Variants in EPB41L4A observed in about 807,000 individuals in gnomAD.
EPB41L4A encodes the protein band 4.1-like protein 4A.
EPB41L4A carries 100 observed loss-of-function variants against 108.6 expected under a neutral mutation model. That is an observed-to-expected ratio of 0.92 (90% CI 0.78 to 1.09). The LOEUF is 1.09. EPB41L4A is among the 50% of genes least tolerant of loss of function. The pLI is 0.00. For missense variants in EPB41L4A, 1,030 were observed against 842.7 expected, an observed-to-expected ratio of 1.22 and a Z score of -2.75; for synonymous variants, 319 against 289.0, an observed-to-expected ratio of 1.10 and a Z score of -1.05.
chr5:112,317,712 T>C (rs187953835), intron 1 of EPB41L4A, among the ~76,000 whole-genome samples: 14 of 152,312 alleles, frequency 9.2e-5, no homozygotes, highest in African/African-American at 3.4e-4. Context: ...GATATCATAG[T>C]TGCAAAAATG....
chr5:112,275,694 T>C (rs998861348), intron 3 of EPB41L4A, among the ~76,000 whole-genome samples: 3 of 152,164 alleles, frequency 2.0e-5, no homozygotes, highest in Admixed American at 6.5e-5. Context: ...CTATAGTATA[T>C]ATGTAATTTT....
chr5:112,191,520 T>C (rs1357377072), intron 17 of EPB41L4A, among the ~76,000 whole-genome samples: 1 of 152,212 alleles, frequency 6.6e-6, no homozygotes, highest in Admixed American at 6.5e-5. Context: ...TTTATTAACT[T>C]TTCTTTCTCT....
intron 4 of EPB41L4A, among the ~76,000 whole-genome samples, chr5:112,267,781 TA>T (rs1344895937): frequency 6.1e-5 from 9 of 148,552 alleles, no homozygotes; most frequent in African/African-American, 4.9e-5. Context: ...CTCTTTCAGT[TA>T]AAAAAAAAAC....
intron 2 of EPB41L4A, among the ~76,000 whole-genome samples, chr5:112,292,821 A>C (rs2150539635): frequency 6.6e-6 from 1 of 152,260 alleles, no homozygotes; most frequent in South Asian, 2.1e-4. Flanking sequence ...CTAGTTTTCT[A>C]ATGTCTAAAA....
chr5:112,322,699 G>GACAC (rs111502535), intron 1 of EPB41L4A, among the ~76,000 whole-genome samples: 1,758 of 145,922 alleles, frequency 0.012, 16 homozygotes, highest in African/African-American at 0.024. Flanking sequence ...TCCACTATGA[G>GACAC]ACACACACAC....
At chr5:112,335,229 T>C (rs1467878081) in intron 1 of EPB41L4A, among the ~76,000 whole-genome samples, 1 of 152,138 alleles carries the variant, frequency 6.6e-6, no homozygotes, top group Non-Finnish European at 1.5e-5. Flanking sequence ...GCAACTGTGC[T>C]AGAGTCTGTA....
intron 1 of EPB41L4A, among the ~76,000 whole-genome samples, chr5:112,416,889 C>G (rs1418296650): frequency 1.3e-5 from 2 of 152,074 alleles, no homozygotes; most frequent in Non-Finnish European, 2.9e-5. Context: ...TAGTACACGC[C>G]AAGGGTGGGT....
chr5:112,335,904 G>A (rs547968044), intron 1 of EPB41L4A, among the ~76,000 whole-genome samples: 5 of 152,180 alleles, frequency 3.3e-5, no homozygotes, highest in African/African-American at 1.2e-4. Flanking sequence ...CAGCCACTCT[G>A]GACTTCTTTC....
chr5:112,359,276 G>C (rs911805538), intron 1 of EPB41L4A, among the ~76,000 whole-genome samples: 1 of 152,118 alleles, frequency 6.6e-6, no homozygotes, highest in African/African-American at 2.4e-5. Flanking sequence ...TTCTCTAATA[G>C]GTCTGTGATC....
intron 1 of EPB41L4A, among the ~76,000 whole-genome samples, chr5:112,384,997 C>A (rs561064664): frequency 1.3e-5 from 2 of 152,312 alleles, no homozygotes; most frequent in South Asian, 4.1e-4. Flanking sequence ...CCCATGGCCC[C>A]ACTTCAGGAA....
rs147826893 is a variant in EPB41L4A, at chr5:112,257,946, C to T, written c.795+1283G>A. On this transcript the variant is annotated intron_variant, in intron 9 of 22. Transcript: ENST00000261486. ...TTTAATTCAGTCTTATATTATAATG[C>T]ACATCTTTTAAAATTGAGATGTCTA... Among the ~76,000 whole-genome samples the T allele has an allele frequency of 1.4e-4, 22 of 152,282 alleles. No homozygotes were observed. The East Asian group carries it at 4.2e-3, about 29-fold the overall frequency.
chr5:112,280,167 T>C, intron 3 of EPB41L4A, 105 bp downstream of exon 3: 2 of 905,376 alleles, frequency 2.2e-6, no homozygotes, highest in South Asian at 1.3e-5. Flanking sequence ...GTACTAGTAT[T>C]CACTTCTTTC....
chr5:112,256,801 T>A (rs987407091), intron 9 of EPB41L4A: 2 of 152,224 alleles, frequency 1.3e-5, no homozygotes, highest in Non-Finnish European at 2.9e-5. Context: ...TGTATCAAAA[T>A]ATTAATATTC....
chr5:112,357,192 C>T (rs539678042), intron 1 of EPB41L4A, among the ~76,000 whole-genome samples: 4 of 152,304 alleles, frequency 2.6e-5, no homozygotes, highest in African/African-American at 7.2e-5. Flanking sequence ...AGCCATACCC[C>T]TTTTCTGGAA....
chr5:112,332,824 G>A (rs1431163400), intron 1 of EPB41L4A, among the ~76,000 whole-genome samples: 1 of 152,154 alleles, frequency 6.6e-6, no homozygotes, highest in Non-Finnish European at 1.5e-5. Context: ...TCTTTTTGTA[G>A]AATTGCTTAT....
intron 1 of EPB41L4A, among the ~76,000 whole-genome samples, chr5:112,381,725 G>C (rs10061207): frequency 2.6e-5 from 4 of 152,316 alleles, no homozygotes; most frequent in South Asian, 2.1e-4. Context: ...CAGGACACAC[G>C]TCATCATGGC....
At chr5:112,336,522 G>A (rs1756932520) in intron 1 of EPB41L4A, among the ~76,000 whole-genome samples, 1 of 152,160 alleles carries the variant, frequency 6.6e-6, no homozygotes, top group African/African-American at 2.4e-5. Flanking sequence ...ATACTGTGGT[G>A]GTCATTAGAG....
intron 1 of EPB41L4A, among the ~76,000 whole-genome samples, chr5:112,350,686 A>G (rs1757980260): frequency 6.6e-6 from 1 of 152,152 alleles, no homozygotes; most frequent in African/African-American, 2.4e-5. Flanking sequence ...CTCTACTTTC[A>G]TGAGACCAAC....
At chr5:112,191,141 A>T (rs1761676763) in intron 17 of EPB41L4A, among the ~76,000 whole-genome samples, 1 of 152,350 alleles carries the variant, frequency 6.6e-6, no homozygotes, top group Admixed American at 6.5e-5. Flanking sequence ...GCTGTAGGAT[A>T]CCCAACCGGA....
Sources: gnomAD v4.1 joint callset for allele counts (sites outside exome capture counted in the v4.1 genomes callset) on GRCh38, gnomAD v4.1.1 for gene constraint, MANE v1.5 for transcripts, NCBI Gene and HGNC (gene_info 2026-07-23, HGNC 2026-07-21) for gene names.